The following NCAM2 variants were observed in gnomAD, a reference collection of about 807,000 sequenced individuals.
The protein encoded by NCAM2 is neural cell adhesion molecule 2, also known as N-CAM-2.
A neutral mutation model predicts 98.1 loss-of-function variants in NCAM2; 30 were observed. The observed-to-expected ratio is 0.31, with a 90% CI of 0.23 to 0.41. The LOEUF is 0.41. Among genes scored for constraint, NCAM2 ranks in the 10% least tolerant of loss-of-function variants. The pLI, the probability that NCAM2 is intolerant of heterozygous loss-of-function variation, is 1.00. For synonymous variants in NCAM2, 368 were observed against 342.4 expected (o/e 1.07, Z -0.83); for missense variants, 867 against 1,005.8 (o/e 0.86, Z 1.87).
chr21:21,465,695 A>T (rs1437211125), intron 12 of NCAM2, among the ~76,000 whole-genome samples: 1 of 152,114 alleles, frequency 6.6e-6, no homozygotes, highest in Non-Finnish European at 1.5e-5. Context: ...ATCTCCTAAT[A>T]TTAATTGATT....
At chr21:21,227,590 GA>G (rs1378033865) in intron 1 of NCAM2, among the ~76,000 whole-genome samples, 1 of 151,734 alleles carries the variant, frequency 6.6e-6, no homozygotes, top group Non-Finnish European at 1.5e-5. Context: ...CTTCCGAATA[GA>G]AAATGAAATT....
At chr21:21,201,840 A>G (rs568487820) in intron 1 of NCAM2, among the ~76,000 whole-genome samples, 1 of 152,294 alleles carries the variant, frequency 6.6e-6, no homozygotes, top group East Asian at 1.9e-4. Context: ...CTTCAGCATC[A>G]TCTGGGGAAT....
intron 16 of NCAM2, among the ~76,000 whole-genome samples, chr21:21,519,753 T>G (rs1988912689): frequency 6.6e-6 from 1 of 151,976 alleles, no homozygotes; most frequent in Non-Finnish European, 1.5e-5. Context: ...AGTGTTCAAG[T>G]TTGAAAAAGA....
chr21:21,327,439 C>G (rs191049202), intron 6 of NCAM2, among the ~76,000 whole-genome samples: 31 of 151,848 alleles, frequency 2.0e-4, no homozygotes, highest in African/African-American at 7.5e-4. Context: ...GGTTATCTTC[C>G]TCCTCTTTCA....
intron 1 of NCAM2, among the ~76,000 whole-genome samples, chr21:21,260,836 G>A (rs557295533): frequency 6.6e-6 from 1 of 151,952 alleles, no homozygotes; most frequent in African/African-American, 2.4e-5. Context: ...ACTATCACAG[G>A]AACAAAACCT....
At chr21:21,075,330 G>A (rs1203620465) in intron 1 of NCAM2, among the ~76,000 whole-genome samples, 1 of 152,034 alleles carries the variant, frequency 6.6e-6, no homozygotes, top group Non-Finnish European at 1.5e-5. Context: ...AGAACTTAAA[G>A]TATAATTTTT....
At chr21:21,422,388 C>A (rs2077128918) in intron 11 of NCAM2, among the ~76,000 whole-genome samples, 1 of 151,962 alleles carries the variant, frequency 6.6e-6, no homozygotes, top group Admixed American at 6.6e-5. Context: ...CACTAAAAGC[C>A]CAAACTTTGC....
chr21:21,338,605 C>A (rs906679935), intron 8 of NCAM2, 71 bp downstream of exon 8: 3 of 1,375,248 alleles, frequency 2.2e-6, no homozygotes, highest in South Asian at 1.6e-5. Context: ...CATTAAATCA[C>A]AAATTAGTCT....
chr21:21,451,057 A>G (rs1329360133), intron 12 of NCAM2, among the ~76,000 whole-genome samples: 3 of 152,166 alleles, frequency 2.0e-5, no homozygotes, highest in East Asian at 1.9e-4. Context: ...TTGGTACCCT[A>G]TAGGAACTAT....
chr21:21,345,555 A>C (rs1156793666), intron 8 of NCAM2, among the ~76,000 whole-genome samples: 1 of 152,014 alleles, frequency 6.6e-6, no homozygotes, highest in East Asian at 1.9e-4. Context: ...CTTGAAGACA[A>C]GCTACTTGAA....
chr21:21,286,341 G>A lies in NCAM2; in HGVS notation c.410G>A (p.Arg137Gln), dbSNP rs188667430. The A allele has an allele frequency of 4.9e-5, 79 of 1,612,382 alleles. No homozygotes were observed. Among genetic ancestry groups the A allele is most frequent in the South Asian group, 1.8e-4 (16 of 91,016 alleles). The change falls in exon 4 of 18, where the codon CGA (arginine) becomes CAA (glutamine). Residue 137 changes from arginine to glutamine, a missense_variant. Around this residue, in one of 5 missense-constraint regions of NCAM2, gnomAD observed 447 missense variants for 495.7 expected, o/e 0.90. Coordinates refer to ENST00000400546, the MANE Select transcript of NCAM2 (RefSeq NM_004540.5). ...KQGEDAEVVC[R>Q]VSSSPAPAVS... ...GGAGAAGATGCAGAAGTGGTTTGCC[G>A]AGTTAGCAGTTCACCTGCACCTGCT... is the stretch of plus-strand genomic sequence containing the variant.
At chr21:21,155,551 G>A (rs898542172) in intron 1 of NCAM2, among the ~76,000 whole-genome samples, 28 of 151,774 alleles carry the variant, frequency 1.8e-4, no homozygotes, top group African/African-American at 6.3e-4. Context: ...TATATAAAAT[G>A]TTCAATTCTT....
chr21:21,161,197 A>T (rs1445237335), intron 1 of NCAM2, among the ~76,000 whole-genome samples: 3 of 152,066 alleles, frequency 2.0e-5, no homozygotes, highest in Non-Finnish European at 4.4e-5. Flanking sequence ...TAGGAAAAAG[A>T]TCAATAATCT....
rs962769624 is a variant in NCAM2, at chr21:21,501,549, C to G, written c.2078-7302C>G. 1.7e-4 allele frequency among the ~76,000 whole-genome samples: 25 copies of G among 150,460 alleles called. 1 individual carries two copies. Among genetic ancestry groups the G allele is most frequent in the Admixed American group, 7.3e-4 (11 of 15,092 alleles). ...CTATTTTAGTACATTTTAGGCAACC[C>G]TTCTGGTTCTGCACTATTTTATTAG... On this transcript the variant is annotated intron_variant, in intron 15 of 17. Coordinates refer to ENST00000400546, the MANE Select transcript of NCAM2 (RefSeq NM_004540.5).
At chr21:21,024,248 G>A (rs1472374585) in intron 1 of NCAM2, among the ~76,000 whole-genome samples, 3 of 152,118 alleles carry the variant, frequency 2.0e-5, no homozygotes, top group African/African-American at 7.2e-5. Flanking sequence ...AACCAGTTTT[G>A]TTCTGACACC....
rs377606550 is a variant in NCAM2, at chr21:21,477,009, TA to T, written c.1897-271del. Among the ~76,000 whole-genome samples the T allele has an allele frequency of 2.8e-3, 399 of 144,616 alleles. 1 individual carries two copies. The highest frequency in any genetic ancestry group is 5.2e-3 in the African/African-American group (206 of 39,870). The allele number at this position is 144,616 out of a possible 152,430, so 94.9% of individuals were successfully genotyped here. A position where few individuals can be genotyped will look rare whatever the true frequency, so the allele number is the denominator to read the frequency against. ...AAAAAACTAACTGATATATGTGAAA[TA>T]AAAAAAAAAATCCTAATGGAGGTAA... On this transcript the variant is annotated intron_variant, in intron 14 of 17. Transcript: ENST00000400546.
chr21:21,142,783 A>C (rs1011256767), intron 1 of NCAM2, among the ~76,000 whole-genome samples: 1 of 152,206 alleles, frequency 6.6e-6, no homozygotes, highest in African/African-American at 2.4e-5. Flanking sequence ...CATCTGTATT[A>C]TATGCACTTT....
chr21:21,130,760 G>A (rs1326604827), intron 1 of NCAM2, among the ~76,000 whole-genome samples: 2 of 151,776 alleles, frequency 1.3e-5, no homozygotes, highest in African/African-American at 4.8e-5. Flanking sequence ...TTTAACAGTG[G>A]TATTAACTTA....
At chr21:21,014,868 A>G (rs746185598) in intron 1 of NCAM2, among the ~76,000 whole-genome samples, 29 of 152,274 alleles carry the variant, frequency 1.9e-4, no homozygotes, top group Non-Finnish European at 4.0e-4. Flanking sequence ...GGTTCATGGG[A>G]GGAGGTCACA....
Sources: gnomAD v4.1 joint callset for allele counts (sites outside exome capture counted in the v4.1 genomes callset) on GRCh38, gnomAD v4.1.1 for gene constraint, gnomAD v4.1.1 regional missense constraint, MANE v1.5 for transcripts, NCBI Gene and HGNC (gene_info 2026-07-23, HGNC 2026-07-21) for gene names.